Variants in ARHGEF10L observed in about 807,000 individuals in gnomAD.
ARHGEF10L encodes Rho guanine nucleotide exchange factor 10 like.
A neutral mutation model predicts 141.2 loss-of-function variants in ARHGEF10L; 69 were observed. That is an observed-to-expected ratio of 0.49 (90% CI 0.40 to 0.60). The LOEUF is 0.60. Ranked by LOEUF, ARHGEF10L falls within the 20% of genes least tolerant of loss-of-function variation. The pLI, the probability that ARHGEF10L is intolerant of heterozygous loss-of-function variation, is 0.00. For synonymous variants in ARHGEF10L, 711 were observed against 718.5 expected, an observed-to-expected ratio of 0.99 and a Z score of 0.17; for missense variants, 1,482 against 1,734.3, an observed-to-expected ratio of 0.85 and a Z score of 2.58.
At chr1:17,678,771 A>G (rs1223857952) in intron 26 of ARHGEF10L, among the ~76,000 whole-genome samples, 1 of 152,238 alleles carries the variant, frequency 6.6e-6, no homozygotes, top group Admixed American at 6.5e-5. Flanking sequence ...CAGCCAGGTC[A>G]GGACAGCGTT....
chr1:17,595,880 C>A (rs549795661), intron 4 of ARHGEF10L, among the ~76,000 whole-genome samples: 3 of 152,150 alleles, frequency 2.0e-5, no homozygotes, highest in Non-Finnish European at 4.4e-5. Flanking sequence ...AACTGAGGCA[C>A]GGAGAAATGC....
upstream of ARHGEF10L, among the ~76,000 whole-genome samples, chr1:17,535,038 T>A (rs1367072537): frequency 6.6e-6 from 1 of 152,190 alleles, no homozygotes; most frequent in African/African-American, 2.4e-5. Flanking sequence ...GTGCACTTTA[T>A]TTCTATTATT....
In ARHGEF10L at chr1:17,623,476, G is replaced by T. The variant is rs978618806; in HGVS notation, c.1200+301G>T. Among the ~76,000 whole-genome samples the T allele has an allele frequency of 6.6e-6, 1 of 152,158 alleles. No homozygotes were observed. The highest frequency in any genetic ancestry group is 1.5e-5 in the Non-Finnish European group (1 of 68,032). On this transcript the variant is annotated intron_variant, in intron 12 of 28. Coordinates refer to ENST00000361221, the MANE Select transcript of ARHGEF10L (RefSeq NM_018125.4). This position sits in a 1 kb window ranked among gnomAD's most constrained non-coding sequence, Gnocchi z 4.7. The stretch of plus-strand genomic sequence containing the variant: ...AGTCACTGTGGGCAGCCACCTGGCC[G>T]GTCACAAGCTCTCTTACCGAGCACT...
At chr1:17,618,605 G>C in intron 9 of ARHGEF10L, 1 of 1,066,948 alleles carries the variant, frequency 9.4e-7, no homozygotes, top group Non-Finnish European at 1.3e-6. Context: ...CTTCCTCACA[G>C]CTCCCATTTC....
At chr1:17,681,393 G>A (rs971917695) in intron 26 of ARHGEF10L, among the ~76,000 whole-genome samples, 1 of 152,342 alleles carries the variant, frequency 6.6e-6, no homozygotes, top group South Asian at 2.1e-4. Context: ...ATCTTTCAGA[G>A]CTACTCCCCC....
intron 1 of ARHGEF10L, among the ~76,000 whole-genome samples, chr1:17,561,567 G>A (rs1420777068): frequency 1.3e-5 from 2 of 152,334 alleles, no homozygotes; most frequent in African/African-American, 4.8e-5. Flanking sequence ...GTCGATGGGC[G>A]CTGGTGGCAG....
the ARHGEF10L span, among the ~76,000 whole-genome samples, chr1:17,523,311 A>G: frequency 8.6e-5 from 13 of 151,552 alleles, no homozygotes; most frequent in Non-Finnish European, 1.6e-4. Context: ...CTGGTCTCGA[A>G]CTCCTGGCCT....
rs952942195 is a variant in ARHGEF10L, at chr1:17,573,467, G to T, written c.-43-7086G>T. Among the ~76,000 whole-genome samples, 5 of 152,218 alleles carry T rather than the reference G, an allele frequency of 3.3e-5. No individual in the cohort carries two copies. Among genetic ancestry groups the T allele is most frequent in the Non-Finnish European group, 5.9e-5 (4 of 68,050 alleles). ...CTGGGGTTCTCTGGAGAAGAGGGGG[G>T]TCAGTTCAGCTGATGGCAGGTGGCT... On this transcript the variant is annotated intron_variant, in intron 1 of 28. Coordinates refer to ENST00000361221, the MANE Select transcript of ARHGEF10L (RefSeq NM_018125.4). The surrounding 1 kb of genome is among the most constrained non-coding windows in gnomAD (Gnocchi z 4.8).
intron 26 of ARHGEF10L, among the ~76,000 whole-genome samples, chr1:17,685,776 TG>T (rs1466481065): frequency 1.3e-5 from 2 of 152,210 alleles, no homozygotes; most frequent in Non-Finnish European, 2.9e-5. Flanking sequence ...CCCAGGTACC[TG>T]TAATCCTCAT....
rs188343798 is a variant in ARHGEF10L at position 17,632,283 on chromosome 1, C to T, written c.1585-38C>T. The T allele has an allele frequency of 1.4e-4, 228 of 1,609,286 alleles. No homozygotes were observed. In the African/African-American group the frequency reaches 2.4e-3, roughly 17 times the overall value. ...CTCCGGCGCGGTAAAGCCGCCGGGC[C>T]GCGATGCTGATGCTGACCTTCCCTG... On this transcript the variant is annotated intron_variant, in intron 15 of 28. Coordinates refer to ENST00000361221, the MANE Select transcript of ARHGEF10L (RefSeq NM_018125.4).
intron 2 of ARHGEF10L, among the ~76,000 whole-genome samples, chr1:17,584,277 T>C (rs2078840134): frequency 1.3e-5 from 2 of 152,180 alleles, no homozygotes; most frequent in South Asian, 4.1e-4. Flanking sequence ...GCTTTTGAGC[T>C]GAAGCCATCC....
Position 17,637,890 on chromosome 1 carries a change from A to G in ARHGEF10L, c.1930A>G (p.Lys644Glu). ...GAGTTGGTCTCTTCTCTGCCCAGATAAGGTGTACCTCGGCCCCCCACGCCT... is the reference window on the plus strand; with the variant it reads ...GAGTTGGTCTCTTCTCTGCCCAGATGAGGTGTACCTCGGCCCCCCACGCCT... Reference protein sequence around the residue: ...KASASGQAQNKVYLGPPRLFQ... With the variant: ...KASASGQAQNEVYLGPPRLFQ... Residue 644 changes from lysine to glutamate, a missense_variant and splice_region_variant, in exon 19 of 29, where the codon AAG becomes GAG. Physicochemically the swap from Lys to Glu is moderately conservative, Grantham distance 56. Coordinates refer to ENST00000361221, the MANE Select transcript of ARHGEF10L (RefSeq NM_018125.4). 1 of 1,585,722 alleles carries G rather than the reference A, an allele frequency of 6.3e-7. No individual in the cohort carries two copies. The highest frequency in any genetic ancestry group is 8.6e-7 in the Non-Finnish European group (1 of 1,165,592).
intron 1 of ARHGEF10L, among the ~76,000 whole-genome samples, chr1:17,565,069 G>A (rs971111230): frequency 2.7e-4 from 41 of 152,212 alleles, no homozygotes; most frequent in African/African-American, 9.9e-4. Context: ...TCTGAAGGCT[G>A]GAAGCCCATG....
At chr1:17,543,346 G>A (rs982286512) in intron 1 of ARHGEF10L, among the ~76,000 whole-genome samples, 8 of 152,148 alleles carry the variant, frequency 5.3e-5, no homozygotes, top group African/African-American at 1.9e-4. Flanking sequence ...ACTTTGGGAG[G>A]CCAAGGCAGG....
intron 23 of ARHGEF10L, among the ~76,000 whole-genome samples, chr1:17,655,348 C>T (rs963812534): frequency 2.6e-5 from 4 of 151,776 alleles, no homozygotes; most frequent in African/African-American, 7.3e-5. Flanking sequence ...TATATTTAAT[C>T]CATCCATTTA....
chr1:17,667,852 C>A (rs976299694), intron 26 of ARHGEF10L, among the ~76,000 whole-genome samples: 1 of 152,126 alleles, frequency 6.6e-6, no homozygotes, highest in Non-Finnish European at 1.5e-5. Flanking sequence ...ACTGGGGAGG[C>A]GTCATTGAAG....
chr1:17,628,209 A>G (rs967575172), intron 15 of ARHGEF10L, among the ~76,000 whole-genome samples: 2 of 152,108 alleles, frequency 1.3e-5, no homozygotes, highest in Admixed American at 6.6e-5. Context: ...ATGGTGGCAC[A>G]CGCCTGTAAT....
rs2060909259 is a variant in ARHGEF10L at position 17,634,876 on chromosome 1, A to T, written c.1787A>T (p.Lys596Met). The change falls in exon 18 of 29, where the codon AAG becomes ATG. Residue 596 changes from lysine to methionine, a missense_variant. Lys to Met is a moderately conservative substitution (Grantham distance 95). Around this residue, in one of 3 missense-constraint regions of ARHGEF10L, gnomAD observed 858 missense variants for 966.3 expected, o/e 0.89. Transcript: ENST00000361221. Reference protein sequence around the residue: ...EISSLVPLGPKYVVKWNTALP... With the variant: ...EISSLVPLGPMYVVKWNTALP... ...AGCAGCCTGGTGCCCCTGGGGCCCA[A>T]GTATGTGGTGAAGTGGAACACGGCG... The T allele has an allele frequency of 6.2e-7, 1 of 1,613,902 alleles. No individual in the cohort carries two copies. Among genetic ancestry groups the T allele is most frequent in the Admixed American group, 1.7e-5 (1 of 59,976 alleles).
At position 17,654,934 on chromosome 1, in the gene ARHGEF10L, A is replaced by G. The variant is rs1385568010; in HGVS notation, c.2481+212A>G. Among the ~76,000 whole-genome samples, 1 of 152,212 alleles carries G rather than the reference A, an allele frequency of 6.6e-6. No homozygotes were observed. Among genetic ancestry groups the G allele is most frequent in the Non-Finnish European group, 1.5e-5 (1 of 68,026 alleles). On this transcript the variant is annotated intron_variant, in intron 23 of 28. Transcript: ENST00000361221. The surrounding 1 kb of genome is among the most constrained non-coding windows in gnomAD (Gnocchi z 4.3). ...TGGGGCAACAGAAAACCAGGGAGCT[A>G]AAAAGAGAGTGTGCCTTTTGCAAAT...
Sources: allele counts gnomAD v4.1 joint callset (sites outside exome capture counted in the v4.1 genomes callset), GRCh38; gene constraint gnomAD v4.1.1; regional missense constraint gnomAD v4.1.1; non-coding constraint Gnocchi (gnomAD v3.1); transcripts MANE v1.5; gene names NCBI Gene and HGNC (gene_info 2026-07-23, HGNC 2026-07-21).